DIAPH2: variants seen among roughly 807,000 people sequenced by gnomAD.
DIAPH2 encodes the protein diaphanous related formin 2.
In DIAPH2, 35 loss-of-function variants were observed where a neutral mutation model predicts 92.7. The observed-to-expected ratio is 0.38, with a 90% confidence interval of 0.29 to 0.50. DIAPH2 has a LOEUF of 0.50. Among genes scored for constraint, DIAPH2 ranks in the 20% least tolerant of loss-of-function variants. DIAPH2 has a pLI of 0.94. For synonymous variants in DIAPH2, 301 were observed against 280.4 expected (o/e 1.07, Z -0.73); for missense variants, 701 against 819.5 (o/e 0.86, Z 1.77).
chrX:96,777,997 G>A (rs1003787331), intron 4 of DIAPH2, among the ~76,000 whole-genome samples: 5 of 105,199 alleles, frequency 4.8e-5, no homozygotes, highest in Admixed American at 3.1e-4. Flanking sequence ...TTGTCATTTA[G>A]CATTAGGTAT....
intron 22 of DIAPH2, among the ~76,000 whole-genome samples, chrX:97,150,031 G>C (rs73546764): frequency 0.031 from 3,326 of 107,187 alleles, 116 homozygotes; most frequent in African/African-American, 0.1. Flanking sequence ...TTTATTTTTG[G>C]TAAGAACACT....
At chrX:97,455,785 A>G (rs963934504) in intron 26 of DIAPH2, among the ~76,000 whole-genome samples, 28 of 112,255 alleles carry the variant, frequency 2.5e-4, no homozygotes, top group African/African-American at 8.1e-4. Context: ...TTGTAGCTTT[A>G]GTTGCATCTT....
At chrX:96,994,791 A>G (rs1009385472) in intron 17 of DIAPH2, among the ~76,000 whole-genome samples, 2 of 111,085 alleles carry the variant, frequency 1.8e-5, no homozygotes, top group Non-Finnish European at 3.8e-5. Flanking sequence ...TTATAAAACT[A>G]TTCAGATGTC....
intron 23 of DIAPH2, among the ~76,000 whole-genome samples, chrX:97,300,931 TAAAAAAAAAAAAAAA>T (rs774601881): frequency 7.8e-3 from 84 of 10,797 alleles, no homozygotes; most frequent in African/African-American, 0.024. Flanking sequence ...GACTCCGTCT[TAAAAAAAAAAAAAAA>T]AAAAAAAAAA....
At chrX:96,796,385 G>C (rs1436980485) in intron 4 of DIAPH2, among the ~76,000 whole-genome samples, 3 of 111,148 alleles carry the variant, frequency 2.7e-5, no homozygotes, top group Non-Finnish European at 5.7e-5. Context: ...GCACCATGTT[G>C]GCTGGAATGG....
intron 1 of DIAPH2, among the ~76,000 whole-genome samples, chrX:96,729,110 A>C (rs1419360976): frequency 8.9e-6 from 1 of 112,177 alleles, no homozygotes; most frequent in Non-Finnish European, 1.9e-5. Flanking sequence ...GGGGGCTTCC[A>C]GGTCACAGGT....
chrX:97,585,170 C>A (rs1333130222), intron 26 of DIAPH2, among the ~76,000 whole-genome samples: 1 of 110,461 alleles, frequency 9.1e-6, no homozygotes, highest in Non-Finnish European at 1.9e-5. Flanking sequence ...TATGTAAACA[C>A]TTTTTACTGT....
chrX:97,032,581 A>G (rs1023530064), intron 17 of DIAPH2, among the ~76,000 whole-genome samples: 13 of 108,638 alleles, frequency 1.2e-4, no homozygotes, highest in African/African-American at 3.7e-4. Context: ...TAATTTCCCT[A>G]ATTTTTAAGC....
At chrX:97,267,089 G>T (rs1487392848) in intron 23 of DIAPH2, among the ~76,000 whole-genome samples, 2 of 111,782 alleles carry the variant, frequency 1.8e-5, no homozygotes, top group Non-Finnish European at 3.8e-5. Context: ...TGTTTCACAT[G>T]CACATAGAAA....
chrX:96,825,195 A>G (rs1362936421), intron 4 of DIAPH2, among the ~76,000 whole-genome samples: 1 of 106,802 alleles, frequency 9.4e-6, no homozygotes, highest in Non-Finnish European at 1.9e-5. Context: ...ACCTCAAGTG[A>G]TCCACTGGCC....
rs2067050548 is a variant in DIAPH2 at position 97,120,626 on chromosome X, T to G, written c.2589+5661T>G. Among the ~76,000 whole-genome samples, 3 of 101,444 alleles carry G rather than the reference T, an allele frequency of 3.0e-5. No homozygotes were observed. The South Asian group carries it at 1.4e-3, about 48-fold the overall frequency. The allele number at this position is 101,444 out of a possible 115,157, so 88.1% of individuals were successfully genotyped here. On this transcript the variant is annotated intron_variant, in intron 21 of 26. Coordinates refer to ENST00000324765, the MANE Select transcript of DIAPH2 (RefSeq NM_006729.5). ...GAGTTTTTTGTGGGTTTTTTTTTTT[T>G]TTTTTTTTTTTAGCTCATCAGCTAT...
rs1293897101 is a variant in DIAPH2 at position 96,884,220 on chromosome X, GCTCGAAGCCTTCTGTGGAGAA to G, written c.587+2506_587+2526del. 5 of 754,322 alleles carry G rather than the reference GCTCGAAGCCTTCTGTGGAGAA, an allele frequency of 6.6e-6. No homozygotes were observed. In the East Asian group the frequency reaches 1.0e-4, roughly 15 times the overall value. 62.2% of individuals were successfully genotyped at this position (754,322 alleles called of 1,213,427 possible). A position where few individuals can be genotyped will look rare whatever the true frequency, so the allele number is the denominator to read the frequency against. On this transcript the variant is annotated intron_variant, in intron 5 of 26. Transcript: ENST00000324765. ...GACAGCTCGAAGCCTTCTGTGGAGA[GCTCGAAGCCTTCTGTGGAGAA>G]CTCAAAGCCGTCCGTGGAGCCCCAG...
chrX:97,553,238 G>A (rs753488682), intron 26 of DIAPH2, among the ~76,000 whole-genome samples: 2 of 106,440 alleles, frequency 1.9e-5, no homozygotes, highest in South Asian at 8.5e-4. Flanking sequence ...ATTGTGCCAA[G>A]GATGTGAAAT....
intron 26 of DIAPH2, among the ~76,000 whole-genome samples, chrX:97,518,117 A>G (rs1266438385): frequency 2.7e-5 from 3 of 112,287 alleles, no homozygotes; most frequent in African/African-American, 6.5e-5. Flanking sequence ...CCAGAATACT[A>G]TCAAGCTCTT....
chrX:97,236,402 G>T (rs988950909), intron 22 of DIAPH2, among the ~76,000 whole-genome samples: 3 of 111,334 alleles, frequency 2.7e-5, no homozygotes, highest in Non-Finnish European at 5.6e-5. Flanking sequence ...CTTAATTCTT[G>T]CCAAATAGTA....
chrX:97,053,436 G>A (rs184597144), intron 17 of DIAPH2, among the ~76,000 whole-genome samples: 268 of 111,460 alleles, frequency 2.4e-3, no homozygotes, highest in Middle Eastern at 0.019. Flanking sequence ...AAATTAAGGT[G>A]ACCCCTTCTT....
intron 19 of DIAPH2, chrX:97,081,821 C>T (rs1314567531): frequency 1.3e-5 from 1 of 79,809 alleles, no homozygotes; most frequent in East Asian, 4.1e-4. Flanking sequence ...ACTCCATCTC[C>T]AAAAAAAGAA....
intron 4 of DIAPH2, among the ~76,000 whole-genome samples, chrX:96,826,120 A>C: frequency 9.0e-6 from 1 of 111,452 alleles, no homozygotes; most frequent in Non-Finnish European, 1.9e-5. Context: ...AATGAGCTTA[A>C]AATATGGTTA....
At chrX:96,769,868 A>G (rs757415677) in intron 4 of DIAPH2, among the ~76,000 whole-genome samples, 6 of 112,203 alleles carry the variant, frequency 5.3e-5, no homozygotes, top group African/African-American at 1.9e-4. Flanking sequence ...TTCCAGGCTG[A>G]CAATGAAGGT....
Sources: allele counts gnomAD v4.1 joint callset (sites outside exome capture counted in the v4.1 genomes callset), GRCh38; gene constraint gnomAD v4.1.1; transcripts MANE v1.5; gene names NCBI Gene and HGNC (gene_info 2026-07-23, HGNC 2026-07-21).